The following SGCZ variants were observed in gnomAD, a reference collection of about 807,000 sequenced individuals.
The protein encoded by SGCZ is sarcoglycan zeta.
A neutral mutation model predicts 41.3 loss-of-function variants in SGCZ; 40 were observed. The observed-to-expected ratio is 0.97, with a 90% CI of 0.75 to 1.26. SGCZ has a LOEUF of 1.26. SGCZ is among the 50% of genes most tolerant of loss of function. SGCZ has a pLI of 0.00. For synonymous variants in SGCZ, 206 were observed against 137.5 expected (o/e 1.50, Z -3.49); for missense variants, 552 against 369.8 (o/e 1.49, Z -4.04).
intron 2 of SGCZ, among the ~76,000 whole-genome samples, chr8:14,535,764 C>T (rs1251036836): frequency 6.6e-6 from 1 of 151,664 alleles, no homozygotes; most frequent in Non-Finnish European, 1.5e-5. Context: ...TTTCTGGAAC[C>T]ATTTTGGAGA....
At chr8:15,067,943 G>C (rs551394655) in intron 1 of SGCZ, among the ~76,000 whole-genome samples, 20 of 152,284 alleles carry the variant, frequency 1.3e-4, no homozygotes, top group Non-Finnish European at 2.6e-4. Context: ...AGATGTAAAA[G>C]ATGATTTAGA....
chr8:14,718,287 C>G (rs1563222721), intron 1 of SGCZ, among the ~76,000 whole-genome samples: 1 of 151,648 alleles, frequency 6.6e-6, no homozygotes, highest in Non-Finnish European at 1.5e-5. Context: ...ATTCAGGAGA[C>G]AGCTGCTATA....
At chr8:14,992,093 TC>T (rs1304536716) in intron 1 of SGCZ, among the ~76,000 whole-genome samples, 7 of 146,368 alleles carry the variant, frequency 4.8e-5, no homozygotes, top group South Asian at 2.3e-4. Flanking sequence ...ATCCTCCTCA[TC>T]CAATCTACTC....
intron 1 of SGCZ, among the ~76,000 whole-genome samples, chr8:14,812,866 C>T (rs1193469025): frequency 1.3e-5 from 2 of 152,092 alleles, no homozygotes; most frequent in African/African-American, 4.8e-5. Flanking sequence ...TTGCATTTTG[C>T]AAACCTTCTG....
intron 1 of SGCZ, among the ~76,000 whole-genome samples, chr8:15,014,154 C>G (rs370109982): frequency 6.6e-6 from 1 of 152,318 alleles, no homozygotes; most frequent in South Asian, 2.1e-4. Flanking sequence ...CAAGAATGCA[C>G]TGAAAACAAG....
chr8:14,527,978 T>C (rs968499436), intron 2 of SGCZ, among the ~76,000 whole-genome samples: 10 of 152,084 alleles, frequency 6.6e-5, no homozygotes, highest in Non-Finnish European at 1.5e-4. Context: ...ATCTATCATA[T>C]GAGTGAACTT....
At chr8:14,803,981 C>T (rs1801436206) in intron 1 of SGCZ, among the ~76,000 whole-genome samples, 1 of 122,682 alleles carries the variant, frequency 8.2e-6, no homozygotes, top group Non-Finnish European at 1.6e-5. Context: ...TGACACCTCA[C>T]ACGGCAGGGT....
At chr8:14,744,643 A>G (rs906642775) in intron 1 of SGCZ, among the ~76,000 whole-genome samples, 1 of 152,176 alleles carries the variant, frequency 6.6e-6, no homozygotes, top group African/African-American at 2.4e-5. Flanking sequence ...AAAATACTTT[A>G]ACTTGGAACT....
At chr8:14,321,753 C>T (rs372428892) in intron 3 of SGCZ, among the ~76,000 whole-genome samples, 79 of 152,196 alleles carry the variant, frequency 5.2e-4, no homozygotes, top group Admixed American at 4.5e-3. Flanking sequence ...CTTAGAACTA[C>T]ACGAACTTTG....
chr8:15,216,290 G>C (rs1361480607), intron 1 of SGCZ, among the ~76,000 whole-genome samples: 1 of 149,202 alleles, frequency 6.7e-6, no homozygotes, highest in Non-Finnish European at 1.5e-5. Context: ...CACGATCTCG[G>C]CTCAAGGCAA....
intron 1 of SGCZ, among the ~76,000 whole-genome samples, chr8:15,209,289 A>C (rs1415689095): frequency 4.6e-5 from 7 of 152,060 alleles, no homozygotes; most frequent in Non-Finnish European, 1.0e-4. Context: ...TTTCATAATG[A>C]ATGTCGTTAG....
At chr8:14,326,001 A>G (rs1015640634) in intron 2 of SGCZ, among the ~76,000 whole-genome samples, 41 of 147,898 alleles carry the variant, frequency 2.8e-4, no homozygotes, top group African/African-American at 9.6e-4. Flanking sequence ...AGTCCCAGGT[A>G]CTCGGAAGGC....
intron 2 of SGCZ, among the ~76,000 whole-genome samples, chr8:14,438,811 C>A (rs963042142): frequency 4.0e-5 from 6 of 151,882 alleles, no homozygotes; most frequent in South Asian, 2.1e-4. Flanking sequence ...TTTAATTATA[C>A]CTTAACATCA....
intron 2 of SGCZ, among the ~76,000 whole-genome samples, chr8:14,474,539 C>G (rs886093918): frequency 6.6e-6 from 1 of 152,108 alleles, no homozygotes; most frequent in African/African-American, 2.4e-5. Context: ...CATGGTTTTA[C>G]TTTGTAGAGC....
chr8:14,358,874 G>C (rs993918092), intron 2 of SGCZ, among the ~76,000 whole-genome samples: 2 of 152,062 alleles, frequency 1.3e-5, no homozygotes, highest in African/African-American at 4.8e-5. Context: ...CTCCCAAAGT[G>C]CTAGGATTAC....
chr8:14,775,474 T>A lies in SGCZ; in HGVS notation c.40-220548A>T, dbSNP rs7841420. ...TAGAATATTTGAGTGTGTGTGTGTG[T>A]GTGTGTGTGTGTGTGTGTGTGTGTG... On this transcript the variant is annotated intron_variant, in intron 1 of 7. Coordinates refer to ENST00000382080, the MANE Select transcript of SGCZ (RefSeq NM_139167.4). Among the ~76,000 whole-genome samples the A allele has an allele frequency of 3.4e-3, 420 of 123,040 alleles. 2 individuals carry two copies. The highest frequency in any genetic ancestry group is 0.014 in the African/African-American group (320 of 22,684). The allele number at this position is 123,040 out of a possible 152,430, so 80.7% of individuals were successfully genotyped here. A position where few individuals can be genotyped will look rare whatever the true frequency, so the allele number is the denominator to read the frequency against.
At chr8:14,564,883 A>C (rs1199034625) in intron 1 of SGCZ, among the ~76,000 whole-genome samples, 1 of 152,190 alleles carries the variant, frequency 6.6e-6, no homozygotes, top group Non-Finnish European at 1.5e-5. Context: ...TATGATACTT[A>C]ATGCTCAAAG....
intron 1 of SGCZ, among the ~76,000 whole-genome samples, chr8:14,691,544 G>T (rs1808797679): frequency 6.6e-6 from 1 of 151,846 alleles, no homozygotes; most frequent in Non-Finnish European, 1.5e-5. Context: ...AAAATATTTT[G>T]CAATCATAGG....
intron 2 of SGCZ, among the ~76,000 whole-genome samples, chr8:14,398,287 G>A (rs1300729634): frequency 6.6e-6 from 1 of 152,108 alleles, no homozygotes; most frequent in Non-Finnish European, 1.5e-5. Flanking sequence ...AGAACAGTGT[G>A]ACCTATTCCT....
Sources: gnomAD v4.1 joint callset for allele counts (sites outside exome capture counted in the v4.1 genomes callset) on GRCh38, gnomAD v4.1.1 for gene constraint, MANE v1.5 for transcripts, NCBI Gene and HGNC (gene_info 2026-07-23, HGNC 2026-07-21) for gene names.